The following SKP1 variants were observed in gnomAD, a reference collection of about 807,000 sequenced individuals.
SKP1 encodes the protein S-phase kinase associated protein 1, also known as S-phase kinase-associated protein 1.
SKP1 carries 1 observed loss-of-function variant against 21.5 expected under a neutral mutation model. The observed-to-expected ratio is 0.05, with a 90% CI of 0.02 to 0.22. The LOEUF is 0.22. Ranked by LOEUF, SKP1 falls within the 10% of genes least tolerant of loss-of-function variation. The pLI, the probability that SKP1 is intolerant of heterozygous loss-of-function variation, is 1.00. For missense variants in SKP1, 70 were observed against 192.0 expected (o/e 0.36, Z 3.76); for synonymous variants, 59 against 59.3 (o/e 0.99, Z 0.03).
At chr5:134,164,305 G>A (rs1761285329) in intron 3 of SKP1, among the ~76,000 whole-genome samples, 1 of 130,660 alleles carries the variant, frequency 7.7e-6, no homozygotes, top group Non-Finnish European at 1.5e-5. Context: ...GGCAACAAGA[G>A]CAAAACTCCA....
chr5:134,161,961 C>G (rs1277422836), intron 3 of SKP1: 1 of 151,894 alleles, frequency 6.6e-6, no homozygotes, highest in East Asian at 1.9e-4. Flanking sequence ...TAATTCTTTC[C>G]ATTTTTCTGT....
intron 2 of SKP1, among the ~76,000 whole-genome samples, chr5:134,168,342 C>T (rs528700967): frequency 6.6e-6 from 1 of 152,192 alleles, no homozygotes; most frequent in Admixed American, 6.5e-5. Context: ...GATGTGTATA[C>T]ATATACACAC....
At chr5:134,173,748 A>C (rs1430172042) in intron 2 of SKP1, 178 bp downstream of exon 2, 1 of 689,246 alleles carries the variant, frequency 1.5e-6, no homozygotes, top group Non-Finnish European at 2.7e-6. Flanking sequence ...ACTAATTCAG[A>C]CAATGCAGAA....
At position 134,149,918 on chromosome 5, in the gene SKP1, C is replaced by T. The variant is rs996349209; in HGVS notation, c.*7815G>A. On this transcript the variant is annotated 3_prime_UTR_variant, in exon 6 of 6. Coordinates refer to ENST00000353411, the MANE Select transcript of SKP1 (RefSeq NM_170679.3). ...CCCAAATCACCCTGGTGCATTCCTGCGAGGCCAGAGGGTGACTTGAGATTG... is the reference window on the plus strand; with the variant it reads ...CCCAAATCACCCTGGTGCATTCCTGTGAGGCCAGAGGGTGACTTGAGATTG... The T allele has an allele frequency of 2.6e-5, 4 of 151,864 alleles. No homozygotes were observed. The highest frequency in any genetic ancestry group is 4.4e-5 in the Non-Finnish European group (3 of 67,974). The allele number at this position is 151,864 out of a possible 1,614,324, so 9.4% of individuals were successfully genotyped here. A position where few individuals can be genotyped will look rare whatever the true frequency, so the allele number is the denominator to read the frequency against.
Position 134,150,178 on chromosome 5 carries a change from C to T in SKP1, c.*7555G>A, listed in dbSNP as rs998421989. On this transcript the variant is annotated 3_prime_UTR_variant, in exon 6 of 6. Coordinates refer to ENST00000353411, the MANE Select transcript of SKP1 (RefSeq NM_170679.3). The stretch of plus-strand genomic sequence containing the variant: ...GGTTCAGCCCAGCAAGCAGACAAAG[C>T]CTATGTCTCCCAACGTGAAGGTGTC... 2 of 152,196 alleles carry T rather than the reference C, an allele frequency of 1.3e-5. No individual in the cohort carries two copies. Among genetic ancestry groups the T allele is most frequent in the Non-Finnish European group, 2.9e-5 (2 of 68,056 alleles). 9.4% of individuals were successfully genotyped at this position (152,196 alleles called of 1,614,324 possible).
chr5:134,174,573 G>T, intron 1 of SKP1: 1 of 585,622 alleles, frequency 1.7e-6, no homozygotes, highest in African/African-American at 2.0e-5. Flanking sequence ...AAGCAGATGT[G>T]AGTACAATTC....
At position 134,167,311 on chromosome 5, in the gene SKP1, T is replaced by G. The variant is rs183472700; in HGVS notation, c.98-68A>C. ...TAATACTTATACCAACCAGGCTATG[T>G]CTCAAAACATAAGAGTCAGCCCCCA... On this transcript the variant is annotated intron_variant, in intron 2 of 5. Coordinates refer to ENST00000353411, the MANE Select transcript of SKP1 (RefSeq NM_170679.3). 153 of 998,092 alleles carry G rather than the reference T, an allele frequency of 1.5e-4. No homozygotes were observed. In the African/African-American group the frequency reaches 2.2e-3, roughly 14 times the overall value. The allele number at this position is 998,092 out of a possible 1,614,324, so 61.8% of individuals were successfully genotyped here. A position where few individuals can be genotyped will look rare whatever the true frequency, so the allele number is the denominator to read the frequency against.
rs1046640792 is a variant in SKP1 at position 134,150,025 on chromosome 5, T to A, written c.*7708A>T. 3 of 152,146 alleles carry A rather than the reference T, an allele frequency of 2.0e-5. No homozygotes were observed. Among genetic ancestry groups the A allele is most frequent in the African/African-American group, 7.2e-5 (3 of 41,412 alleles). The allele number at this position is 152,146 out of a possible 1,614,324, so 9.4% of individuals were successfully genotyped here. A position where few individuals can be genotyped will look rare whatever the true frequency, so the allele number is the denominator to read the frequency against. ...ACCAACCCTGTTTCCTGAGACATCA[T>A]AAGACAAGATACCTTAGCCTCCCTT... On this transcript the variant is annotated 3_prime_UTR_variant, in exon 6 of 6. Transcript: ENST00000353411.
At chr5:134,158,018 T>C in intron 5 of SKP1, 2 of 1,487,712 alleles carry the variant, frequency 1.3e-6, no homozygotes, top group East Asian at 5.4e-5. Flanking sequence ...ACAGAGCAAA[T>C]TCAGTTAATT....
intron 3 of SKP1, chr5:134,162,046 A>G (rs997512778): frequency 2.0e-5 from 3 of 151,790 alleles, no homozygotes; most frequent in Admixed American, 1.3e-4. Context: ...GCCAAGAAAC[A>G]TTGCCAGGAT....
chr5:134,168,392 A>T (rs1158612095), intron 2 of SKP1, among the ~76,000 whole-genome samples: 1 of 152,212 alleles, frequency 6.6e-6, no homozygotes, highest in Non-Finnish European at 1.5e-5. Context: ...CACAAAACAG[A>T]TCATGCAGCC....
intron 2 of SKP1, among the ~76,000 whole-genome samples, chr5:134,168,857 T>C (rs1761384976): frequency 6.6e-6 from 1 of 151,942 alleles, no homozygotes; most frequent in Non-Finnish European, 1.5e-5. Flanking sequence ...TCTAGTTTCA[T>C]AAATGTAAAA....
intron 2 of SKP1, chr5:134,170,925 C>G (rs982157662): frequency 1.4e-5 from 6 of 429,790 alleles, no homozygotes; most frequent in Admixed American, 2.8e-5. Flanking sequence ...TCAGTTTCTA[C>G]ATCTTCTGGA....
intron 2 of SKP1, 79 bp downstream of exon 2, chr5:134,173,847 G>A: frequency 2.4e-6 from 2 of 831,550 alleles, no homozygotes; most frequent in East Asian, 2.5e-5. Flanking sequence ...ATGACAGGCT[G>A]CTGCTCATAT....
intron 2 of SKP1, among the ~76,000 whole-genome samples, chr5:134,170,770 T>C (rs1761424693): frequency 6.6e-6 from 1 of 152,230 alleles, no homozygotes; most frequent in Admixed American, 6.5e-5. Flanking sequence ...AAAGCTGGCA[T>C]GGTAAGTCTT....
intron 1 of SKP1, chr5:134,175,397 A>G (rs1481341635): frequency 6.6e-6 from 1 of 152,232 alleles, no homozygotes; most frequent in African/African-American, 2.4e-5. Flanking sequence ...TGCTTAATGG[A>G]GAAGGATGCA....
chr5:134,165,660 G>A (rs1180451576), intron 3 of SKP1, among the ~76,000 whole-genome samples: 1 of 150,500 alleles, frequency 6.6e-6, no homozygotes, highest in Non-Finnish European at 1.5e-5. Flanking sequence ...GCCAAGGTGG[G>A]CAGATCACAA....
Position 134,173,656 on chromosome 5 carries a change from T to C in SKP1, c.97+270A>G, listed in dbSNP as rs1201190463. 9 of 517,812 alleles carry C rather than the reference T, an allele frequency of 1.7e-5. No homozygotes were observed. In the East Asian group the frequency reaches 2.8e-4, roughly 16 times the overall value. 32.1% of individuals were successfully genotyped at this position (517,812 alleles called of 1,614,324 possible). ...AATTCAAATTTACTTGAACAGAAAT[T>C]AACCATTGCCTAAGGCTTGGCAATC... On this transcript the variant is annotated intron_variant, in intron 2 of 5. Transcript: ENST00000353411.
At chr5:134,158,657 A>G in intron 4 of SKP1, 62 bp from the exon 5 acceptor site, 1 of 1,357,198 alleles carries the variant, frequency 7.4e-7, no homozygotes, top group Non-Finnish European at 1.0e-6. Flanking sequence ...ATCCAAAGTT[A>G]ATGATTGACA....
Sources: allele counts gnomAD v4.1 joint callset (sites outside exome capture counted in the v4.1 genomes callset), GRCh38; gene constraint gnomAD v4.1.1; transcripts MANE v1.5; gene names NCBI Gene and HGNC (gene_info 2026-07-23, HGNC 2026-07-21).